ELMO1: variants seen among roughly 807,000 people sequenced by gnomAD.
The protein encoded by ELMO1 is engulfment and cell motility 1.
A neutral mutation model predicts 98.9 loss-of-function variants in ELMO1; 26 were observed. The observed-to-expected ratio is 0.26, with a 90% CI of 0.19 to 0.36. The LOEUF is 0.36. ELMO1 is among the 10% of genes least tolerant of loss of function. ELMO1 has a pLI of 1.00. For synonymous variants in ELMO1, 346 were observed against 346.0 expected (o/e 1.00, Z 0.00); for missense variants, 627 against 935.2 (o/e 0.67, Z 4.30).
At chr7:37,423,101 C>T (rs1804550673) in intron 1 of ELMO1, among the ~76,000 whole-genome samples, 2 of 152,168 alleles carry the variant, frequency 1.3e-5, no homozygotes, top group Non-Finnish European at 2.9e-5. Flanking sequence ...TAGTGAGGCA[C>T]CAGTGTCTTC....
chr7:37,109,440 G>A (rs1422102967), intron 14 of ELMO1, among the ~76,000 whole-genome samples: 1 of 152,106 alleles, frequency 6.6e-6, no homozygotes, highest in African/African-American at 2.4e-5. Flanking sequence ...AGATGAGAGG[G>A]AGCCAACTCC....
chr7:37,051,075 A>G (rs1280865921), intron 15 of ELMO1, among the ~76,000 whole-genome samples: 2 of 152,216 alleles, frequency 1.3e-5, no homozygotes. Flanking sequence ...GTAAATGCAT[A>G]GTAATTGATC....
intron 14 of ELMO1, among the ~76,000 whole-genome samples, chr7:37,108,598 C>T (rs1474369961): frequency 6.6e-6 from 1 of 152,150 alleles, no homozygotes; most frequent in Non-Finnish European, 1.5e-5. Flanking sequence ...AACCTTTTAT[C>T]TGTATCTTTC....
intron 15 of ELMO1, among the ~76,000 whole-genome samples, chr7:37,019,827 G>T (rs570911328): frequency 6.6e-6 from 1 of 152,168 alleles, no homozygotes; most frequent in Non-Finnish European, 1.5e-5. Context: ...TTTAAGTCTG[G>T]AATATTAAGA....
intron 16 of ELMO1, among the ~76,000 whole-genome samples, chr7:36,933,604 G>C (rs1162756668): frequency 6.6e-6 from 1 of 152,218 alleles, no homozygotes; most frequent in Non-Finnish European, 1.5e-5. Context: ...AATAGGATGT[G>C]TGCAACGCTT....
intron 1 of ELMO1, among the ~76,000 whole-genome samples, chr7:37,424,191 C>T (rs974587522): frequency 3.9e-5 from 6 of 152,184 alleles, no homozygotes; most frequent in Non-Finnish European, 8.8e-5. Flanking sequence ...AAAAGATAGG[C>T]AAAGTAGAAA....
rs187473268 is a variant in ELMO1, at chr7:37,206,123, C to T, written c.1086+5263G>A. ...TCTCACGGTGTCACAGAGCACTGGA[C>T]GCCATTCCAATAATATTAATATCAA... is the stretch of plus-strand genomic sequence containing the variant. On this transcript the variant is annotated intron_variant, in intron 13 of 21. Transcript: ENST00000310758. Among the ~76,000 whole-genome samples the T allele has an allele frequency of 1.0e-3, 155 of 152,234 alleles. No homozygotes were observed. The Middle Eastern group carries it at 0.01, about 10-fold the overall frequency.
At chr7:37,050,905 G>A (rs1796079098) in intron 15 of ELMO1, among the ~76,000 whole-genome samples, 1 of 151,694 alleles carries the variant, frequency 6.6e-6, no homozygotes, top group Non-Finnish European at 1.5e-5. Context: ...TCCAACCAAG[G>A]CTAATGACCA....
At chr7:37,235,536 C>G (rs1167452614) in intron 7 of ELMO1, among the ~76,000 whole-genome samples, 1 of 152,164 alleles carries the variant, frequency 6.6e-6, no homozygotes, top group Non-Finnish European at 1.5e-5. Flanking sequence ...CATGGGAGGA[C>G]AGCATTCACA....
chr7:36,887,260 G>A (rs2129050747), intron 18 of ELMO1, among the ~76,000 whole-genome samples: 1 of 152,198 alleles, frequency 6.6e-6, no homozygotes, highest in East Asian at 1.9e-4. Flanking sequence ...TAGAGTTTCA[G>A]AAGCACCTGG....
chr7:37,007,421 A>C (rs1196236887), intron 16 of ELMO1, among the ~76,000 whole-genome samples: 1 of 152,238 alleles, frequency 6.6e-6, no homozygotes, highest in Non-Finnish European at 1.5e-5. Context: ...GCATGGATGC[A>C]CAAAGCTTCC....
chr7:36,892,103 T>C (rs1805603990), intron 17 of ELMO1, among the ~76,000 whole-genome samples: 1 of 152,162 alleles, frequency 6.6e-6, no homozygotes, highest in Admixed American at 6.5e-5. Flanking sequence ...TTTATTCACA[T>C]GGAGTTTACA....
intron 13 of ELMO1, among the ~76,000 whole-genome samples, chr7:37,163,780 T>C (rs1024330993): frequency 6.6e-6 from 1 of 152,212 alleles, no homozygotes; most frequent in African/African-American, 2.4e-5. Flanking sequence ...CTATTGTGAA[T>C]AGTGCCGCAA....
chr7:36,932,289 C>T (rs1331398741), intron 16 of ELMO1, among the ~76,000 whole-genome samples: 1 of 151,984 alleles, frequency 6.6e-6, no homozygotes, highest in African/African-American at 2.4e-5. Flanking sequence ...AACTGGGAGA[C>T]AAATGAAAAT....
chr7:36,971,766 T>C (rs1243199993), intron 16 of ELMO1, among the ~76,000 whole-genome samples: 1 of 152,216 alleles, frequency 6.6e-6, no homozygotes, highest in Non-Finnish European at 1.5e-5. Context: ...CTCGAGTGAC[T>C]GATGAAACCT....
At chr7:37,117,609 G>A (rs548572342) in intron 14 of ELMO1, among the ~76,000 whole-genome samples, 6 of 152,056 alleles carry the variant, frequency 3.9e-5, no homozygotes, top group Non-Finnish European at 5.9e-5. Context: ...ACTCTCAAGG[G>A]GTCCCGATTG....
At chr7:37,162,187 G>A (rs1233933135) in intron 13 of ELMO1, among the ~76,000 whole-genome samples, 1 of 151,702 alleles carries the variant, frequency 6.6e-6, no homozygotes, top group African/African-American at 2.4e-5. Flanking sequence ...TCTGCAAAAA[G>A]AGGCTCAAAT....
chr7:37,218,074 T>C (rs553502663), intron 10 of ELMO1, among the ~76,000 whole-genome samples: 1 of 152,290 alleles, frequency 6.6e-6, no homozygotes, highest in African/African-American at 2.4e-5. Flanking sequence ...CTGATCTTCA[T>C]AGAAAGGCCC....
At chr7:36,987,220 G>A (rs753298299) in intron 16 of ELMO1, among the ~76,000 whole-genome samples, 4 of 151,898 alleles carry the variant, frequency 2.6e-5, no homozygotes, top group African/African-American at 9.7e-5. Flanking sequence ...CTCCTCCCCT[G>A]CTTGCTCCAA....
Sources: allele counts gnomAD v4.1 joint callset (sites outside exome capture counted in the v4.1 genomes callset), GRCh38; gene constraint gnomAD v4.1.1; transcripts MANE v1.5; gene names NCBI Gene and HGNC (gene_info 2026-07-23, HGNC 2026-07-21).